The following IL21R variants were observed in gnomAD, a reference collection of about 807,000 sequenced individuals.
IL21R encodes the protein interleukin-21 receptor.
Under a neutral mutation model 41.3 loss-of-function variants are expected in IL21R, and 14 were observed. That is an observed-to-expected ratio of 0.34 (90% CI 0.22 to 0.53). The LOEUF (loss-of-function observed/expected upper bound fraction) is 0.53. Among genes scored for constraint, IL21R ranks in the 20% least tolerant of loss-of-function variants. The pLI is 0.94. For missense variants in IL21R, 588 were observed against 681.6 expected (o/e 0.86, Z 1.53); for synonymous variants, 286 against 287.6 (o/e 0.99, Z 0.05).
chr16:27,421,379 T>C (rs895310667), intron 1 of IL21R, among the ~76,000 whole-genome samples: 3 of 150,204 alleles, frequency 2.0e-5, no homozygotes, highest in African/African-American at 7.3e-5. Flanking sequence ...GGATTTTTTA[T>C]AGAGATTACT....
chr16:27,436,862 C>T (rs1340256601), intron 3 of IL21R, among the ~76,000 whole-genome samples: 1 of 152,104 alleles, frequency 6.6e-6, no homozygotes, highest in Non-Finnish European at 1.5e-5. Flanking sequence ...CACTTGAGCC[C>T]AGGAGTTTGA....
At chr16:27,409,241 TATAA>T (rs1015386078) in intron 1 of IL21R, among the ~76,000 whole-genome samples, 5 of 147,328 alleles carry the variant, frequency 3.4e-5, no homozygotes, top group South Asian at 2.1e-4. Context: ...ATATAATATT[TATAA>T]ATAAATATTT....
At chr16:27,420,913 G>C (rs1203342242) in intron 1 of IL21R, among the ~76,000 whole-genome samples, 1 of 150,904 alleles carries the variant, frequency 6.6e-6, no homozygotes, top group African/African-American at 2.4e-5. Context: ...TTTACACCTA[G>C]GTTTATTCTA....
In IL21R at chr16:27,444,589, C is replaced by T. The variant is rs2087444518; in HGVS notation, c.555C>T (p.Leu185=). The change falls in exon 6 of 9, where the codon CTC becomes CTT. Residue 185 remains leucine (L), a synonymous_variant. Transcript: ENST00000337929. ...CAGTGGACTCAAGAAGTGTCTCCCTCCTCCCCCTGGAGTTCCGCAAAGACT... is the reference window on the plus strand; with the variant it reads ...CAGTGGACTCAAGAAGTGTCTCCCTTCTCCCCCTGGAGTTCCGCAAAGACT... ...LISVDSRSVS[L]LPLEFRKDSS... is the part of the protein sequence containing the mutation. 2 of 1,571,624 alleles carry T rather than the reference C, an allele frequency of 1.3e-6. No individual in the cohort carries two copies. Among genetic ancestry groups the T allele is most frequent in the African/African-American group, 1.4e-5 (1 of 72,594 alleles).
intron 3 of IL21R, among the ~76,000 whole-genome samples, chr16:27,436,365 T>G (rs889142583): frequency 8.5e-5 from 13 of 152,214 alleles, no homozygotes; most frequent in African/African-American, 3.1e-4. Flanking sequence ...GCAAAGGCCC[T>G]GTGGGAGAAG....
In IL21R at chr16:27,449,591, C is replaced by G; in HGVS notation, c.*308C>G. 2.3e-6 allele frequency: 1 copy of G among 434,880 alleles called. No homozygotes were observed. The highest frequency in any genetic ancestry group is 4.1e-6 in the Non-Finnish European group (1 of 242,454). 26.9% of individuals were successfully genotyped at this position (434,880 alleles called of 1,614,324 possible). ...CCTGCCCTGTGCATGTCTGGACTCA[C>G]GGAGCTCACCCATGTGCACAAGTGT... On this transcript the variant is annotated 3_prime_UTR_variant, in exon 9 of 9. Transcript: ENST00000337929.
At chr16:27,439,042 G>C (rs2087324613) in intron 4 of IL21R, among the ~76,000 whole-genome samples, 2 of 152,120 alleles carry the variant, frequency 1.3e-5, no homozygotes, top group Non-Finnish European at 2.9e-5. Flanking sequence ...GAGCTCGGGA[G>C]TTTCTGCCGC....
intron 2 of IL21R, among the ~76,000 whole-genome samples, chr16:27,431,347 C>T (rs535882243): frequency 9.2e-5 from 14 of 152,282 alleles, no homozygotes; most frequent in Admixed American, 5.2e-4. Context: ...ATGCAAAGCT[C>T]GGAGCGTCAT....
intron 2 of IL21R, among the ~76,000 whole-genome samples, chr16:27,433,745 G>A (rs760081198): frequency 3.3e-5 from 5 of 152,158 alleles, no homozygotes; most frequent in Admixed American, 6.5e-5. Context: ...GCAGGATCAC[G>A]CAGACCTTTA....
intron 4 of IL21R, among the ~76,000 whole-genome samples, chr16:27,440,693 G>C (rs1267820494): frequency 4.6e-5 from 7 of 152,138 alleles, no homozygotes; most frequent in Non-Finnish European, 1.0e-4. Context: ...CCCAGTGAGG[G>C]AGGCACATAG....
intron 1 of IL21R, among the ~76,000 whole-genome samples, chr16:27,405,239 G>A (rs2086724141): frequency 1.3e-5 from 2 of 151,948 alleles, no homozygotes; most frequent in African/African-American, 2.4e-5. Flanking sequence ...CACCATGTTG[G>A]CCAGGCTGGT....
chr16:27,434,221 C>G (rs958623342), intron 2 of IL21R, 126 bp from the exon 3 acceptor site: 8 of 631,412 alleles, frequency 1.3e-5, no homozygotes, highest in Non-Finnish European at 2.0e-5. Flanking sequence ...CTCCTGAGTC[C>G]TCATATTTGT....
At position 27,450,559 on chromosome 16, in the gene IL21R, T is replaced by C. The variant is rs1408643347; in HGVS notation, c.*1276T>C. The C allele has an allele frequency of 4.4e-6, 1 of 224,798 alleles. No individual in the cohort carries two copies. The highest frequency in any genetic ancestry group is 8.9e-6 in the Non-Finnish European group (1 of 112,832). 13.9% of individuals were successfully genotyped at this position (224,798 alleles called of 1,614,324 possible). A position where few individuals can be genotyped will look rare whatever the true frequency, so the allele number is the denominator to read the frequency against. On this transcript the variant is annotated 3_prime_UTR_variant, in exon 9 of 9. Coordinates refer to ENST00000337929, the MANE Select transcript of IL21R (RefSeq NM_181078.3). ...TGTGAATTAAGAAGCTAAGAAAATA[T>C]TTCTTAGCAACATTTTCTTTTTCTT...
chr16:27,440,513 T>A (rs2141301599), intron 4 of IL21R, among the ~76,000 whole-genome samples: 1 of 151,966 alleles, frequency 6.6e-6, no homozygotes, highest in East Asian at 2.0e-4. Context: ...CCTCAAGCAA[T>A]CCTCCCACCT....
At chr16:27,443,328 G>T (rs1426258682) in intron 5 of IL21R, among the ~76,000 whole-genome samples, 1 of 152,110 alleles carries the variant, frequency 6.6e-6, no homozygotes, top group East Asian at 1.9e-4. Flanking sequence ...TCCCCAAACT[G>T]GTCTCCTCGG....
rs953197648 is a variant in IL21R, at chr16:27,414,193, C to T, written c.-17+11575C>T. On this transcript the variant is annotated intron_variant, in intron 1 of 8. Transcript: ENST00000337929. ...GTGTGTGTGTGTGTGTGTGTGTGAT[C>T]GTAATTAGATTAAAGAAGACTCCTC... is the stretch of plus-strand genomic sequence containing the variant. Among the ~76,000 whole-genome samples the T allele has an allele frequency of 1.1e-3, 31 of 28,126 alleles. 1 individual carries two copies. Among genetic ancestry groups the T allele is most frequent in the African/African-American group, 3.5e-3 (18 of 5,190 alleles). 18.5% of individuals were successfully genotyped at this position (28,126 alleles called of 152,430 possible).
chr16:27,436,059 G>A (rs979729503), intron 3 of IL21R, among the ~76,000 whole-genome samples: 67 of 152,280 alleles, frequency 4.4e-4, no homozygotes, highest in African/African-American at 1.5e-3. Flanking sequence ...GGGCTCACAG[G>A]ACTTGAAAAG....
In IL21R at chr16:27,402,282, T is replaced by G. The variant is rs773815415; in HGVS notation, c.-353T>G. The G allele has an allele frequency of 6.6e-6, 1 of 152,466 alleles. No individual in the cohort carries two copies. Among genetic ancestry groups the G allele is most frequent in the Admixed American group, 6.5e-5 (1 of 15,276 alleles). The allele number at this position is 152,466 out of a possible 1,614,324, so 9.4% of individuals were successfully genotyped here. Reference sequence around the variant, plus strand: ...GTCTGGCCCTCTGCCTGCCTCTCCCTGAGTGTGGCTGACAGCCACGCAGCT... The same window carrying G: ...GTCTGGCCCTCTGCCTGCCTCTCCCGGAGTGTGGCTGACAGCCACGCAGCT... On this transcript the variant is annotated 5_prime_UTR_variant, in exon 1 of 9. Coordinates refer to ENST00000337929, the MANE Select transcript of IL21R (RefSeq NM_181078.3).
Position 27,448,801 on chromosome 16 carries a change from G to A in IL21R, c.1135G>A (p.Val379Met). Residue 379 changes from valine to methionine, a missense_variant, in exon 9 of 9, where the codon GTG becomes ATG. By Grantham distance (21) the Val-to-Met change is conservative (BLOSUM62 1). Transcript: ENST00000337929. ...ATACGGCCTGGTGTCCATTGACACA[G>A]TGACTGTGCTAGATGCAGAGGGGCC... Reference protein sequence around the residue: ...RPYGLVSIDTVTVLDAEGPCT... With the variant: ...RPYGLVSIDTMTVLDAEGPCT... 1.2e-6 allele frequency: 2 copies of A among 1,613,540 alleles called. No homozygotes were observed. The highest frequency in any genetic ancestry group is 8.5e-7 in the Non-Finnish European group (1 of 1,180,034).
Sources: allele counts gnomAD v4.1 joint callset (sites outside exome capture counted in the v4.1 genomes callset), GRCh38; gene constraint gnomAD v4.1.1; transcripts MANE v1.5; gene names NCBI Gene and HGNC (gene_info 2026-07-23, HGNC 2026-07-21).